CTNNA1: variants seen among roughly 807,000 people sequenced by gnomAD.
CTNNA1 encodes the protein catenin alpha 1, also known as catenin alpha-1.
CTNNA1 carries 37 observed loss-of-function variants against 98.4 expected under a neutral mutation model. That is an observed-to-expected ratio of 0.38 (90% CI 0.29 to 0.49). The LOEUF is 0.49. Ranked by LOEUF, CTNNA1 falls within the 20% of genes least tolerant of loss-of-function variation. CTNNA1 has a pLI of 0.95. For missense variants in CTNNA1, 761 were observed against 1,147.2 expected (o/e 0.66, Z 4.86); for synonymous variants, 404 against 413.2 (o/e 0.98, Z 0.27).
At chr5:138,886,079 C>T (rs1409012164) in intron 7 of CTNNA1, 133 bp from the exon 8 acceptor site, 7 of 918,084 alleles carry the variant, frequency 7.6e-6, no homozygotes, top group Non-Finnish European at 1.1e-5. Flanking sequence ...CCTCTGCTCC[C>T]CAGTATTTTC....
intron 5 of CTNNA1, among the ~76,000 whole-genome samples, chr5:138,824,310 G>A (rs1377101547): frequency 1.3e-5 from 2 of 152,104 alleles, no homozygotes; most frequent in African/African-American, 2.4e-5. Context: ...AAGTGGGTGT[G>A]GGGTGGATTC....
chr5:138,881,826 A>AAC (rs1235364476), intron 7 of CTNNA1, among the ~76,000 whole-genome samples: 37 of 152,170 alleles, frequency 2.4e-4, no homozygotes, highest in South Asian at 1.7e-3. Flanking sequence ...TCTTCCTGTT[A>AAC]AACTAATCAG....
At chr5:138,806,274 C>T (rs1394314576) in intron 3 of CTNNA1, among the ~76,000 whole-genome samples, 1 of 151,670 alleles carries the variant, frequency 6.6e-6, no homozygotes, top group East Asian at 1.9e-4. Context: ...TTGTTTTTGA[C>T]AGTCTTGGTT....
At chr5:138,912,206 A>G (rs1760788395) in intron 10 of CTNNA1, among the ~76,000 whole-genome samples, 1 of 152,166 alleles carries the variant, frequency 6.6e-6, no homozygotes, top group South Asian at 2.1e-4. Context: ...CTGAGGAAGC[A>G]CTGTCAGGAC....
At chr5:138,800,007 G>A (rs1052023900) in intron 3 of CTNNA1, among the ~76,000 whole-genome samples, 4 of 152,006 alleles carry the variant, frequency 2.6e-5, no homozygotes, top group Admixed American at 2.0e-4. Context: ...ATCGATTCTC[G>A]TGTCTCAGCC....
chr5:138,821,746 C>CT (rs1030946331), intron 5 of CTNNA1, among the ~76,000 whole-genome samples: 13 of 152,264 alleles, frequency 8.5e-5, no homozygotes, highest in South Asian at 2.1e-4. Context: ...CCTGAGTCTG[C>CT]TTGAACCATC....
chr5:138,789,610 ACC>A (rs774581263), intron 3 of CTNNA1, among the ~76,000 whole-genome samples: 2 of 152,142 alleles, frequency 1.3e-5, no homozygotes, highest in African/African-American at 2.4e-5. Context: ...GGCATGTGCC[ACC>A]ACACCTGGCT....
intron 3 of CTNNA1, among the ~76,000 whole-genome samples, chr5:138,791,423 C>G (rs1756346448): frequency 6.6e-6 from 1 of 151,792 alleles, no homozygotes; most frequent in South Asian, 2.1e-4. Context: ...TGAAGACCCT[C>G]CTGGCCAACA....
rs528408124 is a variant in CTNNA1, at chr5:138,782,203, C to T, written c.105+174C>T. ...CATGGGTTTAGTTAACCCTTGAGAA[C>T]GCTGCTGCTGTCGTTTTCTTCAGTC... On this transcript the variant is annotated intron_variant, in intron 2 of 17. Transcript: ENST00000302763. 474 of 677,904 alleles carry T rather than the reference C, an allele frequency of 7.0e-4. 5 individuals carry two copies. The South Asian group carries it at 7.6e-3, about 11-fold the overall frequency. The allele number at this position is 677,904 out of a possible 1,614,324, so 42.0% of individuals were successfully genotyped here. A position where few individuals can be genotyped will look rare whatever the true frequency, so the allele number is the denominator to read the frequency against.
At chr5:138,768,654 A>C (rs73267556) in intron 1 of CTNNA1, among the ~76,000 whole-genome samples, 1,816 of 150,058 alleles carry the variant, frequency 0.012, 40 homozygotes, top group African/African-American at 0.038. Context: ...CGGCATGCTA[A>C]ACTCCTGAAC....
In CTNNA1 at chr5:138,867,844, C is replaced by T. The variant is rs558333767; in HGVS notation, c.1063-18368C>T. Among the ~76,000 whole-genome samples the T allele has an allele frequency of 5.9e-5, 9 of 151,982 alleles. No individual in the cohort carries two copies. In the East Asian group the frequency reaches 1.4e-3, roughly 23 times the overall value. On this transcript the variant is annotated intron_variant, in intron 7 of 17. Transcript: ENST00000302763. ...CTCAGCTCACTGCAACCTCCACCTCCGGGTTCAAGCAATCCTCCTGCCTCA... is the reference window on the plus strand; with the variant it reads ...CTCAGCTCACTGCAACCTCCACCTCTGGGTTCAAGCAATCCTCCTGCCTCA...
chr5:138,776,704 CGG>C, intron 1 of CTNNA1, among the ~76,000 whole-genome samples: 2 of 136,814 alleles, frequency 1.5e-5, no homozygotes, highest in African/African-American at 5.7e-5. Context: ...CCGGACGGGG[CGG>C]CTGGCCGGGC....
At chr5:138,811,054 G>A in intron 4 of CTNNA1, among the ~76,000 whole-genome samples, 1 of 152,136 alleles carries the variant, frequency 6.6e-6, no homozygotes, top group Non-Finnish European at 1.5e-5. Context: ...GTGGCTGCCG[G>A]GCGGAGACGC....
At position 138,866,167 on chromosome 5, in the gene CTNNA1, C is replaced by T. The variant is rs376296870; in HGVS notation, c.1063-20045C>T. On this transcript the variant is annotated intron_variant, in intron 7 of 17. Transcript: ENST00000302763. ...TCTCTACCAAAAATGCAAAAATTAGCCAGTCTCATAACCCGGTCTGGAAAT... is the reference window on the plus strand; with the variant it reads ...TCTCTACCAAAAATGCAAAAATTAGTCAGTCTCATAACCCGGTCTGGAAAT... Among the ~76,000 whole-genome samples, 17 of 152,030 alleles carry T rather than the reference C, an allele frequency of 1.1e-4. No homozygotes were observed. In the East Asian group the frequency reaches 3.1e-3, roughly 28 times the overall value.
intron 4 of CTNNA1, among the ~76,000 whole-genome samples, chr5:138,810,962 C>CG (rs1758650633): frequency 7.2e-6 from 1 of 139,850 alleles, no homozygotes; most frequent in African/African-American, 2.5e-5. Flanking sequence ...GCTGGCCGGG[C>CG]AGGGGGCTGA....
intron 9 of CTNNA1, among the ~76,000 whole-genome samples, chr5:138,896,030 G>A (rs1756718270): frequency 6.6e-6 from 1 of 152,190 alleles, no homozygotes; most frequent in Admixed American, 6.5e-5. Context: ...TTCCTGAGTA[G>A]TATTAGGGCT....
rs138457600 is a variant in CTNNA1, at chr5:138,766,834, G to A, written c.-3+13324G>A. 3.4e-4 allele frequency among the ~76,000 whole-genome samples: 52 copies of A among 152,196 alleles called. No individual in the cohort carries two copies. The East Asian group carries it at 9.7e-3, about 28-fold the overall frequency. On this transcript the variant is annotated intron_variant, in intron 1 of 17. Coordinates refer to ENST00000302763, the MANE Select transcript of CTNNA1 (RefSeq NM_001903.5). Reference sequence around the variant, plus strand: ...TGCAGCTCTGGTGAAGGCATGTCTCGTCACTTCCCACCTTCACTGTGGTAA... The same window carrying A: ...TGCAGCTCTGGTGAAGGCATGTCTCATCACTTCCCACCTTCACTGTGGTAA...
chr5:138,931,835 C>T (rs1170563516), intron 16 of CTNNA1: 2 of 985,188 alleles, frequency 2.0e-6, no homozygotes, highest in African/African-American at 3.5e-5. Flanking sequence ...TCATACCACT[C>T]TCTGTGGTGT....
intron 7 of CTNNA1, among the ~76,000 whole-genome samples, chr5:138,855,205 A>T (rs1281628534): frequency 6.6e-6 from 1 of 150,694 alleles, no homozygotes; most frequent in Non-Finnish European, 1.5e-5. Context: ...CGCCCAGCTA[A>T]TTTTTGTATT....
Sources: allele counts gnomAD v4.1 joint callset (sites outside exome capture counted in the v4.1 genomes callset), GRCh38; gene constraint gnomAD v4.1.1; transcripts MANE v1.5; gene names NCBI Gene and HGNC (gene_info 2026-07-23, HGNC 2026-07-21).